Variants in CHCHD6 observed in about 807,000 individuals in gnomAD.
The protein encoded by CHCHD6 is MICOS complex subunit MIC25.
Under a neutral mutation model 32.3 loss-of-function variants are expected in CHCHD6, and 28 were observed. The ratio of observed to expected loss-of-function variants is 0.87; its 90% CI spans 0.64 to 1.19. CHCHD6 has a LOEUF of 1.19. CHCHD6 is among the 50% of genes most tolerant of loss of function. The pLI, the probability that CHCHD6 is intolerant of heterozygous loss-of-function variation, is 0.00. For synonymous variants in CHCHD6, 122 were observed against 117.5 expected (o/e 1.04, Z -0.25); for missense variants, 333 against 307.0 (o/e 1.08, Z -0.63).
intron 5 of CHCHD6, chr3:126,854,972 CAG>C (rs1292358341): frequency 7.9e-5 from 12 of 152,192 alleles, no homozygotes; most frequent in Non-Finnish European, 1.8e-4. Flanking sequence ...GCACAAAATC[CAG>C]ACTCATTTTC....
chr3:126,725,327 C>T (rs1935482147), intron 1 of CHCHD6, among the ~76,000 whole-genome samples: 1 of 152,188 alleles, frequency 6.6e-6, no homozygotes. Context: ...GGTGCATTGT[C>T]AAGGAGCAGT....
intron 5 of CHCHD6, among the ~76,000 whole-genome samples, chr3:126,904,635 C>T (rs533326733): frequency 6.6e-6 from 1 of 152,318 alleles, no homozygotes; most frequent in South Asian, 2.1e-4. Flanking sequence ...AAATGATAGA[C>T]TCAGCCACAG....
intron 6 of CHCHD6, among the ~76,000 whole-genome samples, chr3:126,923,623 C>T (rs2078283477): frequency 6.6e-6 from 1 of 152,262 alleles, no homozygotes; most frequent in African/African-American, 2.4e-5. Flanking sequence ...CCACACAGGG[C>T]AGGGACTTTG....
intron 5 of CHCHD6, among the ~76,000 whole-genome samples, chr3:126,856,297 T>C (rs529324988): frequency 9.1e-4 from 139 of 152,330 alleles, no homozygotes; most frequent in African/African-American, 2.9e-3. Flanking sequence ...CCTGTACAGC[T>C]GTGTTCCATG....
At chr3:126,865,729 A>T in intron 5 of CHCHD6, 5 of 985,214 alleles carry the variant, frequency 5.1e-6, no homozygotes, top group Non-Finnish European at 4.8e-6. Context: ...TACTCTGCAT[A>T]CTGCTTCTGG....
At position 126,721,027 on chromosome 3, in the gene CHCHD6, T is replaced by A. The variant is rs2107654283; in HGVS notation, c.88-6051T>A. ...TCTTAGAATAATTTTCTTAATTTCC[T>A]CCCTTTCTTTGTCATTCTCACGCAA... On this transcript the variant is annotated intron_variant, in intron 1 of 7. Transcript: ENST00000290913. Among the ~76,000 whole-genome samples the A allele has an allele frequency of 1.3e-5, 2 of 152,360 alleles. 1 individual carries two copies. Among genetic ancestry groups the A allele is most frequent in the South Asian group, 4.1e-4 (2 of 4,828 alleles).
chr3:126,844,230 C>T (rs1025636141), intron 4 of CHCHD6, among the ~76,000 whole-genome samples: 1 of 152,100 alleles, frequency 6.6e-6, no homozygotes, highest in Non-Finnish European at 1.5e-5. Flanking sequence ...ATTTGGGTCA[C>T]GTTGGATGAT....
At chr3:126,900,107 C>T (rs1468815841) in intron 5 of CHCHD6, among the ~76,000 whole-genome samples, 1 of 152,130 alleles carries the variant, frequency 6.6e-6, no homozygotes, top group Non-Finnish European at 1.5e-5. Flanking sequence ...TGCTGTGTCC[C>T]AGAAAGCTCA....
chr3:126,755,990 A>C (rs573464349), intron 4 of CHCHD6, among the ~76,000 whole-genome samples: 21 of 151,996 alleles, frequency 1.4e-4, no homozygotes, highest in Non-Finnish European at 2.4e-4. Flanking sequence ...GATGACTGTG[A>C]GGCTCTGGGA....
chr3:126,848,513 A>G (rs1941368449), intron 4 of CHCHD6, among the ~76,000 whole-genome samples: 1 of 152,226 alleles, frequency 6.6e-6, no homozygotes. Flanking sequence ...CTAGCTGGAT[A>G]TCTGATGATG....
chr3:126,862,429 T>A (rs1380620752), intron 5 of CHCHD6, among the ~76,000 whole-genome samples: 6 of 69,496 alleles, frequency 8.6e-5, no homozygotes, highest in Admixed American at 1.7e-4. Flanking sequence ...CATCACCACC[T>A]CCTCCTCCTC....
chr3:126,930,380 C>T (rs1168676597), intron 6 of CHCHD6, among the ~76,000 whole-genome samples: 4 of 152,186 alleles, frequency 2.6e-5, no homozygotes, highest in Non-Finnish European at 5.9e-5. Context: ...AAAGGTGACC[C>T]GCAGTAGCTT....
intron 1 of CHCHD6, 26 bp from the exon 2 acceptor site, chr3:126,727,052 C>A (rs375990935): frequency 1.3e-6 from 2 of 1,554,812 alleles, no homozygotes; most frequent in African/African-American, 2.7e-5. Flanking sequence ...ATAACTTTTT[C>A]TTTTCCCTCT....
At chr3:126,797,285 G>C (rs1938838795) in intron 4 of CHCHD6, among the ~76,000 whole-genome samples, 1 of 152,214 alleles carries the variant, frequency 6.6e-6, no homozygotes, top group Admixed American at 6.5e-5. Flanking sequence ...GCTAAGGAGA[G>C]ATAGTGAGGA....
chr3:126,816,904 A>G (rs1049822878), intron 4 of CHCHD6, among the ~76,000 whole-genome samples: 3 of 151,178 alleles, frequency 2.0e-5, no homozygotes, highest in African/African-American at 7.3e-5. Context: ...GATGTTCCCC[A>G]CCCTGTGTCC....
Position 126,731,572 on chromosome 3 carries a change from C to T in CHCHD6, c.266+942C>T, listed in dbSNP as rs140408900. Among the ~76,000 whole-genome samples, 15 of 152,290 alleles carry T rather than the reference C, an allele frequency of 9.8e-5. No homozygotes were observed. The East Asian group carries it at 2.9e-3, about 29-fold the overall frequency. ...CTACAGAGTTCTCAGTGGATGCTCACAGTAGTTGTTACTGATTGACCTCTT... is the reference window on the plus strand; with the variant it reads ...CTACAGAGTTCTCAGTGGATGCTCATAGTAGTTGTTACTGATTGACCTCTT... On this transcript the variant is annotated intron_variant, in intron 3 of 7. Transcript: ENST00000290913.
intron 1 of CHCHD6, among the ~76,000 whole-genome samples, chr3:126,721,347 C>A (rs1222050701): frequency 6.6e-6 from 1 of 152,200 alleles, no homozygotes; most frequent in Non-Finnish European, 1.5e-5. Context: ...TGCCTCTTCC[C>A]CGGTGCCCTG....
rs983913123 is a variant in CHCHD6, at chr3:126,770,239, T to C, written c.411+37017T>C. Reference sequence around the variant, plus strand: ...AGTTGTTTATCAGATCAGGGAGCTTTGGGCAGAGACTAGATATAAAATCAT... The same window carrying C: ...AGTTGTTTATCAGATCAGGGAGCTTCGGGCAGAGACTAGATATAAAATCAT... On this transcript the variant is annotated intron_variant, in intron 4 of 7. Transcript: ENST00000290913. Among the ~76,000 whole-genome samples, 3 of 152,332 alleles carry C rather than the reference T, an allele frequency of 2.0e-5. 1 individual carries two copies.
chr3:126,932,431 A>G (rs2078419251), intron 6 of CHCHD6, among the ~76,000 whole-genome samples: 1 of 152,316 alleles, frequency 6.6e-6, no homozygotes, highest in Admixed American at 6.5e-5. Flanking sequence ...TCACTTCCCC[A>G]GGAAATCCCC....
Sources: allele counts gnomAD v4.1 joint callset (sites outside exome capture counted in the v4.1 genomes callset), GRCh38; gene constraint gnomAD v4.1.1; transcripts MANE v1.5; gene names NCBI Gene and HGNC (gene_info 2026-07-23, HGNC 2026-07-21).